Variants in ABCC9 observed in about 807,000 individuals in gnomAD.
ABCC9 encodes the protein ATP binding cassette subfamily C member 9, also known as ATP-binding cassette sub-family C member 9.
A neutral mutation model predicts 188.3 loss-of-function variants in ABCC9; 95 were observed. That is an observed-to-expected ratio of 0.50 (90% CI 0.43 to 0.60). The LOEUF is 0.60. Ranked by LOEUF, ABCC9 falls within the 20% of genes least tolerant of loss-of-function variation. The pLI, the probability that ABCC9 is intolerant of heterozygous loss-of-function variation, is 0.00. For missense variants in ABCC9, 1,102 were observed against 1,876.3 expected (o/e 0.59, Z 7.62); for synonymous variants, 659 against 652.7 (o/e 1.01, Z -0.15).
At chr12:21,897,060 T>G (rs1400750480) in intron 12 of ABCC9, among the ~76,000 whole-genome samples, 1 of 152,206 alleles carries the variant, frequency 6.6e-6, no homozygotes, top group East Asian at 1.9e-4. Flanking sequence ...CATTCCTGTT[T>G]CTCCACAGCC....
At chr12:21,838,499 G>A (rs1329661079) in intron 29 of ABCC9, among the ~76,000 whole-genome samples, 2 of 152,104 alleles carry the variant, frequency 1.3e-5, no homozygotes, top group Admixed American at 1.3e-4. Context: ...TTCCTTAAGC[G>A]GGTAGAATTT....
At chr12:21,819,138 C>G (rs182918659) in intron 31 of ABCC9, among the ~76,000 whole-genome samples, 1 of 152,148 alleles carries the variant, frequency 6.6e-6, no homozygotes, top group East Asian at 1.9e-4. Context: ...TCTCATTTCC[C>G]AGCGTTCTTA....
intron 15 of ABCC9, among the ~76,000 whole-genome samples, chr12:21,884,849 A>G (rs2137669996): frequency 6.6e-6 from 1 of 152,254 alleles, no homozygotes. Flanking sequence ...AGCCCTCACA[A>G]ATACTCCTGG....
chr12:21,820,500 T>C (rs1942974700), intron 31 of ABCC9, among the ~76,000 whole-genome samples: 1 of 151,886 alleles, frequency 6.6e-6, no homozygotes, highest in South Asian at 2.1e-4. Context: ...CTTATATATA[T>C]AGCCTATATA....
intron 24 of ABCC9, among the ~76,000 whole-genome samples, chr12:21,850,174 CT>C (rs1217424457): frequency 6.6e-6 from 1 of 150,412 alleles, no homozygotes; most frequent in Non-Finnish European, 1.5e-5. Context: ...TAGCATCCCC[CT>C]GCCCCAGTTT....
intron 16 of ABCC9, among the ~76,000 whole-genome samples, chr12:21,878,179 T>C (rs1048378894): frequency 2.6e-5 from 4 of 152,114 alleles, no homozygotes; most frequent in Non-Finnish European, 5.9e-5. Context: ...ATTATATGTG[T>C]GGTATCAATG....
intron 25 of ABCC9, 116 bp from the exon 26 acceptor site, chr12:21,845,948 A>T: frequency 1.2e-6 from 1 of 864,456 alleles, no homozygotes. Flanking sequence ...AAGCATTAGT[A>T]TTGAAGTTTT....
Position 21,933,873 on chromosome 12 carries a change from G to A in ABCC9, c.193C>T (p.His65Tyr). ...CATCTCAGGTTATGTCCCGGAAAAT[G>A]AAGCCATGTGTTGTGGTGAATTTGT... ...KVQIHHNTWL[H>Y]FPGHNLRWIL... is the part of the protein sequence containing the mutation. Residue 65 changes from histidine to tyrosine, a missense_variant, in exon 4 of 40, where the codon CAT (histidine) becomes TAT (tyrosine). This residue lies in a region of ABCC9 where 305 missense variants were observed against 573.0 expected (regional missense o/e 0.53). Transcript: ENST00000261200. 1 of 1,613,678 alleles carries A rather than the reference G, an allele frequency of 6.2e-7. No individual in the cohort carries two copies. Among genetic ancestry groups the A allele is most frequent in the Non-Finnish European group, 8.5e-7 (1 of 1,179,676 alleles).
intron 5 of ABCC9, among the ~76,000 whole-genome samples, chr12:21,918,156 T>C (rs574514534): frequency 6.6e-6 from 1 of 152,194 alleles, no homozygotes; most frequent in African/African-American, 2.4e-5. Context: ...AATTTGGAGT[T>C]GCTATATTAA....
At chr12:21,818,498 CTATA>C (rs1942812984) in intron 31 of ABCC9, among the ~76,000 whole-genome samples, 1 of 136,608 alleles carries the variant, frequency 7.3e-6, no homozygotes. Context: ...ATATATATAT[CTATA>C]TATAACTATA....
At chr12:21,815,933 A>T in intron 33 of ABCC9, 40 bp from the exon 34 acceptor site, 1 of 1,561,276 alleles carries the variant, frequency 6.4e-7, no homozygotes, top group Non-Finnish European at 8.8e-7. Flanking sequence ...TAATAGGCAG[A>T]TAGAGATTGA....
rs369536931 is a variant in ABCC9, at chr12:21,860,818, G to T, written c.2424+153C>A. On this transcript the variant is annotated intron_variant, in intron 21 of 39. Coordinates refer to ENST00000261200, the MANE Select transcript of ABCC9 (RefSeq NM_020297.4). ...ATACGTAAGAAAGAGTGGCATCAAAGGACTCCCATCCTTGGTTTTCTGGAA... is the reference window on the plus strand; with the variant it reads ...ATACGTAAGAAAGAGTGGCATCAAATGACTCCCATCCTTGGTTTTCTGGAA... Among the ~76,000 whole-genome samples, 6 of 152,092 alleles carry T rather than the reference G, an allele frequency of 3.9e-5. No homozygotes were observed. In the South Asian group the frequency reaches 1.2e-3, roughly 32 times the overall value.
intron 10 of ABCC9, 39 bp downstream of exon 10, chr12:21,910,118 C>A: frequency 6.4e-7 from 1 of 1,572,678 alleles, no homozygotes. Context: ...GTTTTATTTC[C>A]TCTGCAGACA....
chr12:21,938,984 A>G (rs1324698795), intron 2 of ABCC9, among the ~76,000 whole-genome samples: 1 of 152,228 alleles, frequency 6.6e-6, no homozygotes. Context: ...CGTGCTAGTT[A>G]CTAGGAATCC....
chr12:21,809,725 T>C (rs951063618), intron 37 of ABCC9, 127 bp downstream of exon 37: 7 of 661,526 alleles, frequency 1.1e-5, no homozygotes, highest in African/African-American at 7.3e-5. Flanking sequence ...TAATGACTTT[T>C]AGGATATTAT....
At chr12:21,809,265 G>T (rs1172695095) in intron 37 of ABCC9, among the ~76,000 whole-genome samples, 1 of 151,900 alleles carries the variant, frequency 6.6e-6, no homozygotes, top group Non-Finnish European at 1.5e-5. Context: ...ACAACCCCTA[G>T]GACTGAATTT....
intron 14 of ABCC9, among the ~76,000 whole-genome samples, chr12:21,888,865 G>T (rs1947005825): frequency 1.3e-5 from 2 of 152,018 alleles, no homozygotes; most frequent in East Asian, 1.9e-4. Flanking sequence ...CAGTGAAGTT[G>T]CAAAGGAAAA....
At chr12:21,933,750 T>C (rs1949376975) in intron 4 of ABCC9, 32 bp downstream of exon 4, 7 of 1,602,550 alleles carry the variant, frequency 4.4e-6, no homozygotes, top group Non-Finnish European at 6.0e-6. Context: ...ACTGGTATAC[T>C]GCAGTGGTAT....
At chr12:21,880,847 C>T (rs1487736405) in intron 16 of ABCC9, among the ~76,000 whole-genome samples, 5 of 152,100 alleles carry the variant, frequency 3.3e-5, no homozygotes, top group Non-Finnish European at 5.9e-5. Flanking sequence ...TACCGTACAA[C>T]TCAGCAACTG....
Sources: gnomAD v4.1 joint callset for allele counts (sites outside exome capture counted in the v4.1 genomes callset) on GRCh38, gnomAD v4.1.1 for gene constraint, gnomAD v4.1.1 regional missense constraint, MANE v1.5 for transcripts, NCBI Gene and HGNC (gene_info 2026-07-23, HGNC 2026-07-21) for gene names.